The following SOX5 variants were observed in gnomAD, a reference collection of about 807,000 sequenced individuals.
SOX5 encodes SRY-box transcription factor 5.
Under a neutral mutation model 92.0 loss-of-function variants are expected in SOX5, and 9 were observed. The ratio of observed to expected loss-of-function variants is 0.10; its 90% CI spans 0.06 to 0.17. SOX5 has a LOEUF of 0.17. Ranked by LOEUF, SOX5 falls within the 10% of genes least tolerant of loss-of-function variation. The pLI is 1.00. For missense variants in SOX5, 642 were observed against 944.5 expected, an observed-to-expected ratio of 0.68 and a Z score of 4.20; for synonymous variants, 344 against 336.3, an observed-to-expected ratio of 1.02 and a Z score of -0.25.
intron 4 of SOX5, among the ~76,000 whole-genome samples, chr12:23,985,961 CTCAAGAT>C (rs973671586): frequency 6.6e-6 from 1 of 152,118 alleles, no homozygotes; most frequent in Non-Finnish European, 1.5e-5. Context: ...TCTAGTCTTT[CTCAAGAT>C]AACAACTCTC....
chr12:24,338,504 G>T (rs1952172005), intron 2 of SOX5, among the ~76,000 whole-genome samples: 1 of 152,158 alleles, frequency 6.6e-6, no homozygotes, highest in African/African-American at 2.4e-5. Context: ...AAATAAAGTT[G>T]ATATTTAATG....
chr12:23,641,906 G>A (rs536273487), intron 7 of SOX5, among the ~76,000 whole-genome samples: 4 of 152,066 alleles, frequency 2.6e-5, no homozygotes, highest in South Asian at 2.1e-4. Flanking sequence ...CAGTTAATAC[G>A]CCATTCAAAA....
chr12:24,226,059 C>T (rs748319656), intron 3 of SOX5, among the ~76,000 whole-genome samples: 6 of 152,088 alleles, frequency 3.9e-5, no homozygotes, highest in South Asian at 2.1e-4. Context: ...AGAGTATTGG[C>T]CTGAAGTACC....
At chr12:24,237,570 G>A (rs549838583) in intron 3 of SOX5, among the ~76,000 whole-genome samples, 4 of 150,096 alleles carry the variant, frequency 2.7e-5, no homozygotes, top group African/African-American at 4.9e-5. Context: ...TAAACTCCAA[G>A]CCTGGAAGTC....
chr12:24,479,742 T>A (rs1945776456), intron 1 of SOX5, among the ~76,000 whole-genome samples: 1 of 152,144 alleles, frequency 6.6e-6, no homozygotes, highest in African/African-American at 2.4e-5. Flanking sequence ...CTCAGCTTAC[T>A]GCAACCTGTG....
rs1949998360 is a variant in SOX5 at position 24,135,103 on chromosome 12, T to C, written c.-2+78240A>G. ...GCCATGCAGGAATTACAAAATGCCA[T>C]TAAGGACTCCCTCATTTTTATTGAT... On this transcript the variant is annotated intron_variant, in intron 4 of 4. Coordinates refer to the SOX5 transcript ENST00000446891. Among the ~76,000 whole-genome samples, 3 of 152,160 alleles carry C rather than the reference T, an allele frequency of 2.0e-5. No individual in the cohort carries two copies. In the South Asian group the frequency reaches 6.2e-4, roughly 32 times the overall value.
At chr12:24,066,247 T>C (rs1462928657) in intron 4 of SOX5, among the ~76,000 whole-genome samples, 3 of 152,224 alleles carry the variant, frequency 2.0e-5, no homozygotes, top group Non-Finnish European at 2.9e-5. Context: ...AATTGGTTTA[T>C]GATGTTGAAC....
intron 3 of SOX5, among the ~76,000 whole-genome samples, chr12:24,225,300 G>T (rs971195020): frequency 6.6e-6 from 1 of 152,056 alleles, no homozygotes; most frequent in Admixed American, 6.6e-5. Context: ...GCTTAAAGGA[G>T]GTCCAATACA....
intron 2 of SOX5, among the ~76,000 whole-genome samples, chr12:24,294,623 A>C (rs1946990750): frequency 2.0e-5 from 3 of 152,192 alleles, no homozygotes; most frequent in African/African-American, 7.2e-5. Flanking sequence ...CAGCAGGTTT[A>C]AACAGTTCTA....
intron 4 of SOX5, among the ~76,000 whole-genome samples, chr12:23,993,876 T>TGC (rs1355908881): frequency 3.5e-5 from 5 of 142,830 alleles, no homozygotes; most frequent in Non-Finnish European, 7.8e-5. Context: ...TGTATGTATG[T>TGC]ATGTATGTAT....
At chr12:24,461,497 C>T (rs1640234196) in intron 1 of SOX5, among the ~76,000 whole-genome samples, 2 of 152,178 alleles carry the variant, frequency 1.3e-5, no homozygotes, top group South Asian at 2.1e-4. Flanking sequence ...GCAATACACA[C>T]TAATGAATTA....
chr12:23,623,938 A>T (rs920649445), intron 8 of SOX5, among the ~76,000 whole-genome samples: 8 of 152,138 alleles, frequency 5.3e-5, no homozygotes. Flanking sequence ...AATAACTCAA[A>T]CGTCCATAGA....
chr12:23,841,857 A>G (rs775883841), intron 3 of SOX5, among the ~76,000 whole-genome samples: 1 of 152,132 alleles, frequency 6.6e-6, no homozygotes, highest in African/African-American at 2.4e-5. Context: ...TGATACTGTC[A>G]GTGGTAAATG....
intron 1 of SOX5, among the ~76,000 whole-genome samples, chr12:24,502,302 TA>T (rs1948288298): frequency 6.6e-6 from 1 of 151,530 alleles, no homozygotes; most frequent in African/African-American, 2.4e-5. Context: ...TACCAGAAAA[TA>T]AGAAAGTGAG....
chr12:24,506,178 A>G (rs1948725535), intron 1 of SOX5, among the ~76,000 whole-genome samples: 1 of 152,104 alleles, frequency 6.6e-6, no homozygotes, highest in Non-Finnish European at 1.5e-5. Context: ...TTACATGACA[A>G]TAGTTACATT....
intron 8 of SOX5, among the ~76,000 whole-genome samples, chr12:23,620,586 G>A (rs754320566): frequency 4.1e-4 from 62 of 151,966 alleles, no homozygotes; most frequent in African/African-American, 1.2e-3. Context: ...GGCCAACCTC[G>A]ATTTTTCTAG....
chr12:23,577,380 A>G (rs1305372693), intron 9 of SOX5, among the ~76,000 whole-genome samples: 1 of 151,348 alleles, frequency 6.6e-6, no homozygotes, highest in Non-Finnish European at 1.5e-5. Context: ...TTGTATTTTT[A>G]GTAGAGACAG....
At chr12:23,610,917 T>C (rs2075874732) in intron 8 of SOX5, among the ~76,000 whole-genome samples, 1 of 152,158 alleles carries the variant, frequency 6.6e-6, no homozygotes, top group South Asian at 2.1e-4. Flanking sequence ...TTGAAGCATA[T>C]GGATATTCTG....
chr12:23,733,316 A>G (rs1008068528), intron 6 of SOX5, among the ~76,000 whole-genome samples: 1 of 152,224 alleles, frequency 6.6e-6, no homozygotes, highest in African/African-American at 2.4e-5. Flanking sequence ...CTATGCTTTG[A>G]TAATTAATAA....
Sources: allele counts gnomAD v4.1 joint callset (sites outside exome capture counted in the v4.1 genomes callset), GRCh38; gene constraint gnomAD v4.1.1; transcripts MANE v1.5; gene names NCBI Gene and HGNC (gene_info 2026-07-23, HGNC 2026-07-21).